Variants in PTER observed in about 807,000 individuals in gnomAD.
The protein encoded by PTER is phosphotriesterase related, also known as N-acetyltaurine hydrolase.
PTER carries 38 observed loss-of-function variants against 29.6 expected under a neutral mutation model. The observed-to-expected ratio is 1.28, with a 90% confidence interval of 0.99 to 1.68. The LOEUF is 1.68. Ranked by LOEUF, PTER falls within the 40% of genes most tolerant of loss-of-function variation. PTER has a pLI of 0.00. For missense variants in PTER, 482 were observed against 427.8 expected (o/e 1.13, Z -1.12); for synonymous variants, 172 against 154.5 (o/e 1.11, Z -0.84).
At chr10:16,473,539 A>C (rs978550448) in intron 1 of PTER, among the ~76,000 whole-genome samples, 3 of 151,072 alleles carry the variant, frequency 2.0e-5, no homozygotes, top group African/African-American at 7.3e-5. Flanking sequence ...AAAAAAAAAA[A>C]AAAAAAAACA....
At chr10:16,475,688 A>T (rs1835234677) in intron 1 of PTER, among the ~76,000 whole-genome samples, 2 of 152,222 alleles carry the variant, frequency 1.3e-5, no homozygotes, top group African/African-American at 4.8e-5. Flanking sequence ...AAGCACATTC[A>T]TCGAAAACGT....
intron 3 of PTER, among the ~76,000 whole-genome samples, chr10:16,490,896 A>G (rs1279726630): frequency 6.6e-6 from 1 of 151,844 alleles, no homozygotes; most frequent in Non-Finnish European, 1.5e-5. Context: ...ATAAAATCAA[A>G]CAATATATAA....
downstream of PTER, among the ~76,000 whole-genome samples, chr10:16,515,030 C>A (rs1040816982): frequency 4.6e-5 from 7 of 152,054 alleles, no homozygotes; most frequent in Non-Finnish European, 8.8e-5. Flanking sequence ...TCCCTATGCC[C>A]AATCACATTT....
chr10:16,454,263 A>G (rs895899203), intron 1 of PTER, among the ~76,000 whole-genome samples: 1 of 152,144 alleles, frequency 6.6e-6, no homozygotes, highest in Non-Finnish European at 1.5e-5. Flanking sequence ...CTTTATAACT[A>G]CTATTATTCG....
intron 1 of PTER, among the ~76,000 whole-genome samples, chr10:16,448,736 G>C (rs977660688): frequency 6.6e-6 from 1 of 152,168 alleles, no homozygotes; most frequent in African/African-American, 2.4e-5. Context: ...AAAAGCGATC[G>C]GGGTCCCTCT....
intron 1 of PTER, among the ~76,000 whole-genome samples, chr10:16,454,539 G>A (rs1000355698): frequency 6.6e-6 from 1 of 151,600 alleles, no homozygotes; most frequent in African/African-American, 2.4e-5. Context: ...TCACGCCACT[G>A]CACTCCAGCC....
At chr10:16,518,883 T>G in the PTER span, among the ~76,000 whole-genome samples, 1 of 152,162 alleles carries the variant, frequency 6.6e-6, no homozygotes, top group African/African-American at 2.4e-5. Context: ...GGTGATTCAA[T>G]AGCTCCATTC....
At position 16,484,649 on chromosome 10, in the gene PTER, G is replaced by C; in HGVS notation, c.265G>C (p.Ala89Pro). The change falls in exon 2 of 5, where the codon GCT becomes CCT. Residue 89 changes from alanine (A) to proline (P), a missense_variant. Transcript: ENST00000535784. ...AIKEELLYFK[A>P]NGGGALVENT... ...AAAGGAAGAACTGTTGTATTTTAAAGCTAATGGTGGAGGGGCTTTGGTGGA... is the reference window on the plus strand; with the variant it reads ...AAAGGAAGAACTGTTGTATTTTAAACCTAATGGTGGAGGGGCTTTGGTGGA... The C allele has an allele frequency of 6.2e-7, 1 of 1,614,138 alleles. No homozygotes were observed. The highest frequency in any genetic ancestry group is 8.5e-7 in the Non-Finnish European group (1 of 1,180,028).
intron 3 of PTER, among the ~76,000 whole-genome samples, chr10:16,497,214 C>G (rs1034449716): frequency 5.9e-5 from 9 of 152,168 alleles, no homozygotes; most frequent in African/African-American, 2.2e-4. Flanking sequence ...GGATTACAGG[C>G]ATGAGCCATA....
chr10:16,470,875 CTTTTT>C (rs941420626), intron 1 of PTER, among the ~76,000 whole-genome samples: 1 of 149,014 alleles, frequency 6.7e-6, no homozygotes, highest in African/African-American at 2.5e-5. Context: ...GTTCTTGATT[CTTTTT>C]TTTTTAACTT....
intron 1 of PTER, among the ~76,000 whole-genome samples, chr10:16,460,086 T>C (rs994747393): frequency 6.6e-6 from 1 of 152,176 alleles, no homozygotes; most frequent in African/African-American, 2.4e-5. Context: ...AATGACCAAA[T>C]GAAGAAGACA....
chr10:16,443,355 A>G (rs189425896), intron 1 of PTER, among the ~76,000 whole-genome samples: 46 of 152,296 alleles, frequency 3.0e-4, no homozygotes, highest in Middle Eastern at 3.4e-3. Flanking sequence ...TGCAAATACA[A>G]CCACATCCTA....
intron 1 of PTER, among the ~76,000 whole-genome samples, chr10:16,441,142 G>T (rs896408006): frequency 2.0e-5 from 3 of 152,210 alleles, no homozygotes; most frequent in African/African-American, 7.2e-5. Context: ...AATAGGTAAA[G>T]GCTGTATGCC....
intron 1 of PTER, among the ~76,000 whole-genome samples, chr10:16,474,375 C>T (rs943959422): frequency 6.6e-6 from 1 of 152,156 alleles, no homozygotes; most frequent in Non-Finnish European, 1.5e-5. Context: ...CCCTCCCCAC[C>T]AAATCTAACA....
At chr10:16,501,351 A>ATG (rs1283379845) in intron 3 of PTER, among the ~76,000 whole-genome samples, 2 of 124,068 alleles carry the variant, frequency 1.6e-5, no homozygotes, top group Admixed American at 1.7e-4. Flanking sequence ...ACACACACAC[A>ATG]CACACACACA....
rs1836176402 is a variant in PTER at position 16,497,942 on chromosome 10, CA to C, written c.699-7076del. Among the ~76,000 whole-genome samples the C allele has an allele frequency of 3.3e-5, 5 of 151,698 alleles. No individual in the cohort carries two copies. The South Asian group carries it at 1.0e-3, about 31-fold the overall frequency. On this transcript the variant is annotated intron_variant, in intron 3 of 4. Coordinates refer to ENST00000535784, the MANE Select transcript of PTER (RefSeq NM_001261836.2). ...CACCATTTTTTTTTTTAGCTGATGACAATTTATTTTCCCTAAATTTATGCCT... is the reference window on the plus strand; with the variant it reads ...CACCATTTTTTTTTTTAGCTGATGACATTTATTTTCCCTAAATTTATGCCT...
chr10:16,510,526 CAGACCAACTG>C (rs1836771427), intron 4 of PTER, among the ~76,000 whole-genome samples: 1 of 152,196 alleles, frequency 6.6e-6, no homozygotes, highest in African/African-American at 2.4e-5. Flanking sequence ...CCCTCACTTG[CAGACCAACTG>C]ATTTTGCTCT....
intron 1 of PTER, among the ~76,000 whole-genome samples, chr10:16,468,987 GC>G (rs1447855382): frequency 6.6e-6 from 1 of 151,112 alleles, no homozygotes; most frequent in Non-Finnish European, 1.5e-5. Context: ...AAAAAAAAAA[GC>G]CAAAAAACAA....
intron 3 of PTER, among the ~76,000 whole-genome samples, chr10:16,498,438 C>G (rs188364121): frequency 6.6e-6 from 1 of 152,216 alleles, no homozygotes; most frequent in Non-Finnish European, 1.5e-5. Context: ...ACAAAATTAG[C>G]TGGGTGTGGT....
Sources: allele counts gnomAD v4.1 joint callset (sites outside exome capture counted in the v4.1 genomes callset), GRCh38; gene constraint gnomAD v4.1.1; transcripts MANE v1.5; gene names NCBI Gene and HGNC (gene_info 2026-07-23, HGNC 2026-07-21).